RBFOX3: variants seen among roughly 807,000 people sequenced by gnomAD.
RBFOX3 encodes RNA binding protein fox-1 homolog 3.
In RBFOX3, 17 loss-of-function variants were observed where a neutral mutation model predicts 48.7. The ratio of observed to expected loss-of-function variants is 0.35; its 90% CI spans 0.24 to 0.52. The LOEUF (loss-of-function observed/expected upper bound fraction) is 0.52. Among genes scored for constraint, RBFOX3 ranks in the 20% least tolerant of loss-of-function variants. The probability of loss-of-function intolerance (pLI) is 0.94; values close to 1 mark genes in which losing one functional copy is unlikely to be tolerated. For missense variants in RBFOX3, 382 were observed against 497.5 expected (o/e 0.77, Z 2.21); for synonymous variants, 212 against 209.5 (o/e 1.01, Z -0.10).
chr17:79,455,398 T>C (rs1436060640), intron 2 of RBFOX3, among the ~76,000 whole-genome samples: 1 of 151,632 alleles, frequency 6.6e-6, no homozygotes, highest in Non-Finnish European at 1.5e-5. Context: ...TCCAGGAGGG[T>C]CAGTGTTAAC....
intron 9 of RBFOX3, among the ~76,000 whole-genome samples, chr17:79,100,773 A>T (rs1351869706): frequency 6.6e-6 from 1 of 152,196 alleles, no homozygotes; most frequent in African/African-American, 2.4e-5. Flanking sequence ...CCCTTGCCGG[A>T]TGGAGTTAAG....
chr17:79,282,498 G>T (rs748375215), intron 3 of RBFOX3, among the ~76,000 whole-genome samples: 1 of 151,936 alleles, frequency 6.6e-6, no homozygotes, highest in Non-Finnish European at 1.5e-5. Flanking sequence ...GGCTCAATGC[G>T]CTTCATGTTT....
chr17:79,353,319 C>T (rs886398793), intron 2 of RBFOX3, among the ~76,000 whole-genome samples: 11 of 152,132 alleles, frequency 7.2e-5, no homozygotes, highest in Admixed American at 3.9e-4. Flanking sequence ...GGGATCTTCC[C>T]TTCCCCTGAG....
In RBFOX3 at chr17:79,515,462, G is replaced by A. The variant is rs1002812637; in HGVS notation, c.-319-32864C>T. On this transcript the variant is annotated intron_variant, in intron 1 of 14. Transcript: ENST00000693108. ...ACACTGATCCCCTTCCCTGAGACTT[G>A]CAGGAGCTCATCGACAGGGTTACAA... Among the ~76,000 whole-genome samples, 485 of 152,290 alleles carry A rather than the reference G, an allele frequency of 3.2e-3. 4 individuals carry two copies. Among genetic ancestry groups the A allele is most frequent in the African/African-American group, 0.011 (464 of 41,540 alleles).
intron 2 of RBFOX3, among the ~76,000 whole-genome samples, chr17:79,365,102 A>G (rs981702294): frequency 5.9e-5 from 9 of 151,584 alleles, no homozygotes; most frequent in African/African-American, 2.2e-4. Context: ...TACCCTCAAC[A>G]CTTTAGTTTC....
chr17:79,559,656 T>A (rs1405164505), intron 1 of RBFOX3, among the ~76,000 whole-genome samples: 17 of 98,346 alleles, frequency 1.7e-4, no homozygotes, highest in African/African-American at 4.4e-4. Context: ...GATGGGTGGA[T>A]GGATGGGTGG....
At chr17:79,639,237 C>G in the RBFOX3 span, among the ~76,000 whole-genome samples, 3 of 152,030 alleles carry the variant, frequency 2.0e-5, no homozygotes, top group Non-Finnish European at 4.4e-5. Flanking sequence ...TGCAGCGGCG[C>G]AATCTCGGCT....
chr17:79,541,194 A>C (rs142062191), intron 1 of RBFOX3, among the ~76,000 whole-genome samples: 55 of 152,278 alleles, frequency 3.6e-4, no homozygotes, highest in Admixed American at 3.3e-3. Flanking sequence ...AAAGCTATAC[A>C]TTTCATAATG....
intron 1 of RBFOX3, chr17:79,602,066 A>G (rs2093716990): frequency 1.3e-5 from 2 of 152,250 alleles, no homozygotes; most frequent in East Asian, 1.9e-4. Flanking sequence ...CAGCTGTCCT[A>G]GATGAGATCT....
At chr17:79,591,824 C>T (rs935365185) in intron 1 of RBFOX3, among the ~76,000 whole-genome samples, 2 of 147,874 alleles carry the variant, frequency 1.4e-5, no homozygotes, top group Non-Finnish European at 3.0e-5. Context: ...GGGGTGTGCA[C>T]GTGTGGAGGG....
At chr17:79,294,687 G>A (rs1360904723) in intron 3 of RBFOX3, among the ~76,000 whole-genome samples, 1 of 152,168 alleles carries the variant, frequency 6.6e-6, no homozygotes, top group Non-Finnish European at 1.5e-5. Context: ...CTGCGGGTGG[G>A]AGACGCTGCC....
the RBFOX3 span, among the ~76,000 whole-genome samples, chr17:79,658,156 T>A: frequency 6.6e-6 from 1 of 152,246 alleles, no homozygotes; most frequent in Admixed American, 6.5e-5. Context: ...GGACTTGCAG[T>A]GCCCATAAAA....
chr17:79,186,053 C>T (rs930695078), intron 4 of RBFOX3, among the ~76,000 whole-genome samples: 5 of 152,204 alleles, frequency 3.3e-5, no homozygotes, highest in Non-Finnish European at 7.3e-5. Context: ...CAAAGAAAGC[C>T]AGGGTGGTCC....
chr17:79,412,661 T>C (rs1443197179), intron 2 of RBFOX3, among the ~76,000 whole-genome samples: 4 of 152,028 alleles, frequency 2.6e-5, no homozygotes, highest in African/African-American at 7.2e-5. Flanking sequence ...GTGTGTGATA[T>C]GTGTGAGTGT....
At chr17:79,248,309 C>A (rs1184867246) in intron 3 of RBFOX3, among the ~76,000 whole-genome samples, 1 of 151,982 alleles carries the variant, frequency 6.6e-6, no homozygotes, top group Non-Finnish European at 1.5e-5. Flanking sequence ...TCTTGGCTCA[C>A]TGCAACCTCC....
At chr17:79,441,665 T>A (rs1234991000) in intron 2 of RBFOX3, among the ~76,000 whole-genome samples, 4 of 152,200 alleles carry the variant, frequency 2.6e-5, no homozygotes, top group African/African-American at 9.6e-5. Context: ...CCATTTCTGT[T>A]GTTTTAAGCC....
At chr17:79,174,428 A>G (rs1316931836) in intron 4 of RBFOX3, among the ~76,000 whole-genome samples, 2 of 151,858 alleles carry the variant, frequency 1.3e-5, no homozygotes, top group Non-Finnish European at 2.9e-5. Flanking sequence ...ATGCACTCAC[A>G]CACACTGACA....
chr17:79,333,659 AC>A lies in RBFOX3; in HGVS notation c.-174-25836del, dbSNP rs568828130. ...AGTCCTGGGGGAAGAATGTCCCATGACCCCAGAGAGGTCTGTCTGATGGCAA... is the reference window on the plus strand; with the variant it reads ...AGTCCTGGGGGAAGAATGTCCCATGACCCAGAGAGGTCTGTCTGATGGCAA... On this transcript the variant is annotated intron_variant, in intron 2 of 14. Transcript: ENST00000693108. Among the ~76,000 whole-genome samples, 86 of 152,174 alleles carry A rather than the reference AC, an allele frequency of 5.7e-4. 1 individual carries two copies. The highest frequency in any genetic ancestry group is 2.0e-3 in the African/African-American group (83 of 41,516).
chr17:79,357,136 G>C (rs2085307335), intron 2 of RBFOX3, among the ~76,000 whole-genome samples: 1 of 152,224 alleles, frequency 6.6e-6, no homozygotes, highest in African/African-American at 2.4e-5. Context: ...GCCTCCCCGG[G>C]TGCTGTGGCT....
Sources: gnomAD v4.1 joint callset for allele counts (sites outside exome capture counted in the v4.1 genomes callset) on GRCh38, gnomAD v4.1.1 for gene constraint, MANE v1.5 for transcripts, NCBI Gene and HGNC (gene_info 2026-07-23, HGNC 2026-07-21) for gene names.